The following OBP2B variants were observed in gnomAD, a reference collection of about 807,000 sequenced individuals.
The protein encoded by OBP2B is odorant-binding protein 2b.
In OBP2B, 10 loss-of-function variants were observed where a neutral mutation model predicts 21.7. The ratio of observed to expected loss-of-function variants is 0.46; its 90% CI spans 0.28 to 0.78. The LOEUF (loss-of-function observed/expected upper bound fraction) is 0.78. Ranked by LOEUF, OBP2B falls within the 30% of genes least tolerant of loss-of-function variation. OBP2B has a pLI of 0.11. For missense variants in OBP2B, 153 were observed against 217.7 expected, an observed-to-expected ratio of 0.70 and a Z score of 1.87; for synonymous variants, 73 against 91.5, an observed-to-expected ratio of 0.80 and a Z score of 1.16.
Position 133,207,322 on chromosome 9 carries a change from G to T in OBP2B, c.292C>A (p.Leu98Ile). 6.2e-7 allele frequency: 1 copy of T among 1,610,404 alleles called. No individual in the cohort carries two copies. Among genetic ancestry groups the T allele is most frequent in the Non-Finnish European group, 8.5e-7 (1 of 1,176,806 alleles). ...CTGGGCAGCTCCTGCAGGTACATGA[G>T]CTTCCTGCCCCCATCTGTAGATGAC... Reference protein sequence around the residue: ...GKYSAYGGRKLMYLQELPRRD... With the variant: ...GKYSAYGGRKIMYLQELPRRD... The change falls in exon 4 of 7, where the codon CTC becomes ATC. Residue 98 changes from leucine to isoleucine, a missense_variant. Physicochemically the swap from Leu to Ile is conservative, Grantham distance 5. Transcript: ENST00000372034.
At chr9:133,215,933 A>G in the OBP2B span, among the ~76,000 whole-genome samples, 12 of 152,226 alleles carry the variant, frequency 7.9e-5, no homozygotes, top group Non-Finnish European at 1.8e-4. Flanking sequence ...CTGCAAGAAA[A>G]TTAACTCAAA....
chr9:133,220,286 T>A, the OBP2B span, among the ~76,000 whole-genome samples: 6 of 152,314 alleles, frequency 3.9e-5, no homozygotes, highest in South Asian at 4.1e-4. Context: ...CAAATAAAAA[T>A]TTTAAAAACC....
chr9:133,206,548 G>A (rs1474515042), intron 4 of OBP2B, 132 bp from the exon 5 acceptor site: 8 of 1,192,172 alleles, frequency 6.7e-6, no homozygotes, highest in African/African-American at 1.5e-5. Flanking sequence ...ATCAGAGCTC[G>A]GGGGTGGGGC....
chr9:133,205,756 G>C, intron 6 of OBP2B, 161 bp downstream of exon 6: 5 of 1,036,408 alleles, frequency 4.8e-6, no homozygotes, highest in African/African-American at 1.6e-5. Flanking sequence ...GAATGTCCCA[G>C]GAACTGTGGG....
At chr9:133,213,867 C>A (rs1335204608), upstream of OBP2B, among the ~76,000 whole-genome samples, 1 of 152,154 alleles carries the variant, frequency 6.6e-6, no homozygotes, top group African/African-American at 2.4e-5. Context: ...ATAAATAACA[C>A]CAACTCTGCA....
upstream of OBP2B, among the ~76,000 whole-genome samples, chr9:133,212,243 G>T (rs1283059808): frequency 1.3e-5 from 2 of 152,214 alleles, no homozygotes; most frequent in Non-Finnish European, 2.9e-5. Context: ...TATAGTTGGA[G>T]ACTTCAATAC....
chr9:133,213,456 C>A (rs1833940510), upstream of OBP2B, among the ~76,000 whole-genome samples: 2 of 151,876 alleles, frequency 1.3e-5, no homozygotes, highest in Non-Finnish European at 2.9e-5. Flanking sequence ...AAGCAGAAAG[C>A]AGAAAAAATC....
intron 3 of OBP2B, 119 bp from the exon 4 acceptor site, chr9:133,207,455 G>C (rs1464210014): frequency 2.9e-6 from 2 of 687,328 alleles, no homozygotes; most frequent in Non-Finnish European, 5.1e-6. Context: ...GCCAGGCCTG[G>C]CTGCTCCGCA....
chr9:133,205,648 C>A, intron 6 of OBP2B: 2 of 611,042 alleles, frequency 3.3e-6, no homozygotes, highest in Non-Finnish European at 5.8e-6. Context: ...GCTGAGCTGA[C>A]ACCTGAGGGA....
chr9:133,222,414 G>A, the OBP2B span, among the ~76,000 whole-genome samples: 7 of 152,306 alleles, frequency 4.6e-5, no homozygotes, highest in African/African-American at 1.7e-4. Context: ...AGAAGTCTGT[G>A]TTTCTCCTAC....
At chr9:133,205,502 A>T in intron 6 of OBP2B, 91 bp from the exon 7 acceptor site, 2 of 896,954 alleles carry the variant, frequency 2.2e-6, no homozygotes, top group Non-Finnish European at 3.4e-6. Flanking sequence ...TGCAGCCCCC[A>T]CATCGGCCAC....
At chr9:133,218,904 T>C in the OBP2B span, among the ~76,000 whole-genome samples, 1 of 152,060 alleles carries the variant, frequency 6.6e-6, no homozygotes, top group African/African-American at 2.4e-5. Context: ...TAAATACCAG[T>C]CCATGCAGAC....
chr9:133,214,178 C>T (rs1339181516), upstream of OBP2B, among the ~76,000 whole-genome samples: 2 of 152,144 alleles, frequency 1.3e-5, no homozygotes, highest in Non-Finnish European at 2.9e-5. Flanking sequence ...GAAAACAACT[C>T]TCAGAAAAGT....
At chr9:133,212,378 C>G (rs1214887217), upstream of OBP2B, among the ~76,000 whole-genome samples, 1 of 152,206 alleles carries the variant, frequency 6.6e-6, no homozygotes, top group Non-Finnish European at 1.5e-5. Context: ...TACACACATT[C>G]TTTTCAAGTG....
chr9:133,222,995 C>T, the OBP2B span, among the ~76,000 whole-genome samples: 1 of 152,192 alleles, frequency 6.6e-6, no homozygotes, highest in Non-Finnish European at 1.5e-5. Context: ...CAGTCTGTTC[C>T]TGGCTCTGAG....
chr9:133,206,293 G>A, intron 5 of OBP2B, 22 bp downstream of exon 5: 2 of 1,605,398 alleles, frequency 1.2e-6, no homozygotes, highest in African/African-American at 1.3e-5. Flanking sequence ...GGACACAGGG[G>A]ACTGGGCACA....
At chr9:133,206,061 C>G (rs531187850) in intron 5 of OBP2B, 121 bp from the exon 6 acceptor site, 20 of 1,337,338 alleles carry the variant, frequency 1.5e-5, no homozygotes, top group East Asian at 2.3e-5. Flanking sequence ...GAGCCCCAGA[C>G]CCCATCGCAG....
At position 133,208,279 on chromosome 9, in the gene OBP2B, C is replaced by T. The variant is rs554878022; in HGVS notation, c.207-76G>A. The T allele has an allele frequency of 5.6e-6, 9 of 1,605,504 alleles. No homozygotes were observed. The African/African-American group carries it at 1.1e-4, about 19-fold the overall frequency. ...ATCCTCAGCTCACCTGGTGCATGGC[C>T]CTGACCCGGCAACCTGAAAATTCCA... On this transcript the variant is annotated intron_variant, in intron 2 of 6. Transcript: ENST00000372034.
At chr9:133,206,864 T>C (rs1488192367) in intron 4 of OBP2B, among the ~76,000 whole-genome samples, 2 of 151,890 alleles carry the variant, frequency 1.3e-5, no homozygotes, top group African/African-American at 2.4e-5. Context: ...AGCCCTCACC[T>C]GGAGGGACCT....
Sources: gnomAD v4.1 joint callset for allele counts (sites outside exome capture counted in the v4.1 genomes callset) on GRCh38, gnomAD v4.1.1 for gene constraint, MANE v1.5 for transcripts, NCBI Gene and HGNC (gene_info 2026-07-23, HGNC 2026-07-21) for gene names.